Variants in AK5 observed in about 807,000 individuals in gnomAD.
The protein encoded by AK5 is adenylate kinase isoenzyme 5.
AK5 carries 27 observed loss-of-function variants against 69.5 expected under a neutral mutation model. That is an observed-to-expected ratio of 0.39 (90% CI 0.29 to 0.54). The LOEUF (loss-of-function observed/expected upper bound fraction) is 0.54, where lower values mean the gene tolerates loss of function less well. AK5 is among the 20% of genes least tolerant of loss of function. The pLI, the probability that AK5 is intolerant of heterozygous loss-of-function variation, is 0.71. For synonymous variants in AK5, 260 were observed against 244.4 expected (o/e 1.06, Z -0.60); for missense variants, 531 against 700.4 (o/e 0.76, Z 2.73).
Position 77,483,371 on chromosome 1 carries a change from T to A in AK5, c.1102+12T>A, listed in dbSNP as rs1655390868. ...GGACACTATGGGAGGTGAGTTTTCC[T>A]TACTGATCAGATCAAAGTTGTCATT... On this transcript the variant is annotated intron_variant, in intron 9 of 13. Transcript: ENST00000354567. The A allele has an allele frequency of 6.2e-7, 1 of 1,607,206 alleles. No individual in the cohort carries two copies. Among genetic ancestry groups the A allele is most frequent in the Admixed American group, 1.7e-5 (1 of 60,014 alleles).
intron 5 of AK5, among the ~76,000 whole-genome samples, chr1:77,316,272 G>A (rs1351416109): frequency 6.6e-6 from 1 of 152,120 alleles, no homozygotes; most frequent in Non-Finnish European, 1.5e-5. Context: ...TGTCATGCAT[G>A]CATTGTGGGA....
Position 77,297,851 on chromosome 1 carries a change from G to A in AK5, c.603G>A (p.Glu201=). 1.9e-6 allele frequency: 3 copies of A among 1,611,448 alleles called. No homozygotes were observed. The highest frequency in any genetic ancestry group is 1.7e-6 in the Non-Finnish European group (2 of 1,179,302). ...TATAAAAGGAAACAACAATTACAGA[G>A]ATAAAACAAAAATTGATGCAAATAC... ...ELAPQETTIT[E]IKQKLMQIPD... The change falls in exon 5 of 14, where the codon GAG becomes GAA. Residue 201 remains glutamate, a synonymous_variant. Transcript: ENST00000354567.
intron 6 of AK5, among the ~76,000 whole-genome samples, chr1:77,353,090 T>A (rs1244461418): frequency 1.3e-5 from 2 of 152,214 alleles, no homozygotes; most frequent in African/African-American, 4.8e-5. Context: ...CTAAGAGATG[T>A]GAAGAACTAA....
chr1:77,531,271 G>T (rs548497932), intron 12 of AK5, among the ~76,000 whole-genome samples: 1 of 152,188 alleles, frequency 6.6e-6, no homozygotes, highest in East Asian at 1.9e-4. Flanking sequence ...AAGATTTACC[G>T]CAAAGAGCAA....
chr1:77,494,742 A>G (rs969381518), intron 10 of AK5, among the ~76,000 whole-genome samples: 3 of 151,902 alleles, frequency 2.0e-5, no homozygotes, highest in African/African-American at 7.3e-5. Context: ...TATACTGGTG[A>G]CTTACTGTGT....
In AK5 at chr1:77,286,096, C is replaced by T. The variant is rs1387013949; in HGVS notation, c.61-845C>T. Among the ~76,000 whole-genome samples, 6 of 152,120 alleles carry T rather than the reference C, an allele frequency of 3.9e-5. 1 individual carries two copies. The highest frequency in any genetic ancestry group is 8.8e-5 in the Non-Finnish European group (6 of 68,024). The stretch of plus-strand genomic sequence containing the variant: ...GACAAACCTAGGGATTCAGAGAAGA[C>T]TTCCTGATAGTAATAATAACTAAAA... On this transcript the variant is annotated intron_variant, in intron 1 of 13. Coordinates refer to ENST00000354567, the MANE Select transcript of AK5 (RefSeq NM_174858.3).
At chr1:77,297,434 A>G (rs1659075146) in intron 3 of AK5, 125 bp from the exon 4 acceptor site, 2 of 793,378 alleles carry the variant, frequency 2.5e-6, no homozygotes. Context: ...GAATGCCACA[A>G]ATGGAACTGT....
chr1:77,412,561 C>T (rs1430435499), intron 7 of AK5, among the ~76,000 whole-genome samples: 1 of 152,198 alleles, frequency 6.6e-6, no homozygotes, highest in Non-Finnish European at 1.5e-5. Context: ...GGTGCCTCCC[C>T]TGCAGGAGGC....
At chr1:77,542,844 GC>G (rs1659348365) in intron 13 of AK5, among the ~76,000 whole-genome samples, 2 of 151,898 alleles carry the variant, frequency 1.3e-5, no homozygotes, top group South Asian at 4.2e-4. Context: ...AACACCCCAG[GC>G]CATAGATGAA....
chr1:77,373,198 T>C (rs1647153377), intron 6 of AK5, among the ~76,000 whole-genome samples: 1 of 152,168 alleles, frequency 6.6e-6, no homozygotes, highest in Non-Finnish European at 1.5e-5. Flanking sequence ...CTTGCCAGCA[T>C]GGGCACTCTC....
chr1:77,519,052 G>C (rs1488322934), intron 11 of AK5, among the ~76,000 whole-genome samples: 1 of 152,160 alleles, frequency 6.6e-6, no homozygotes, highest in Admixed American at 6.5e-5. Context: ...TGGTGCAGCA[G>C]AGCCTAGAAT....
intron 5 of AK5, among the ~76,000 whole-genome samples, chr1:77,299,954 A>C (rs988495349): frequency 2.0e-5 from 3 of 152,182 alleles, no homozygotes; most frequent in Non-Finnish European, 4.4e-5. Flanking sequence ...ACATTAACAA[A>C]ATATCTCATT....
At chr1:77,380,410 G>A (rs1221280164) in intron 6 of AK5, among the ~76,000 whole-genome samples, 1 of 152,098 alleles carries the variant, frequency 6.6e-6, no homozygotes, top group Non-Finnish European at 1.5e-5. Flanking sequence ...ATAGAGCCAG[G>A]ACTCTAGAGC....
intron 8 of AK5, among the ~76,000 whole-genome samples, chr1:77,424,738 T>G (rs1196903212): frequency 1.3e-5 from 2 of 151,832 alleles, no homozygotes; most frequent in African/African-American, 4.8e-5. Context: ...AGGGAAAGGC[T>G]GAAAAAACAG....
chr1:77,497,151 C>A (rs1010375694), intron 10 of AK5, among the ~76,000 whole-genome samples: 17 of 152,234 alleles, frequency 1.1e-4, no homozygotes, highest in African/African-American at 4.1e-4. Context: ...GCAGCAAGAC[C>A]ACGAACCCAC....
At position 77,363,322 on chromosome 1, in the gene AK5, C is replaced by T. The variant is rs183250826; in HGVS notation, c.891+22754C>T. ...GAACATATCCAGAATTCCACTGCTT[C>T]CCACAGCCTCTACCACTACCACTCT... On this transcript the variant is annotated intron_variant, in intron 6 of 13. Coordinates refer to ENST00000354567, the MANE Select transcript of AK5 (RefSeq NM_174858.3). Among the ~76,000 whole-genome samples, 268 of 152,334 alleles carry T rather than the reference C, an allele frequency of 1.8e-3. 1 individual carries two copies. Among genetic ancestry groups the T allele is most frequent in the African/African-American group, 6.1e-3 (252 of 41,576 alleles).
chr1:77,345,198 A>G (rs1661853154), intron 6 of AK5, among the ~76,000 whole-genome samples: 1 of 152,186 alleles, frequency 6.6e-6, no homozygotes. Flanking sequence ...CTGTGAAGTA[A>G]ACAAATAGTC....
intron 8 of AK5, among the ~76,000 whole-genome samples, chr1:77,423,320 C>T (rs1182378614): frequency 6.6e-6 from 1 of 151,816 alleles, no homozygotes; most frequent in African/African-American, 2.4e-5. Context: ...GAGTTCCCTA[C>T]CTTCCCTCTT....
intron 5 of AK5, among the ~76,000 whole-genome samples, chr1:77,306,910 A>T (rs1278457011): frequency 6.6e-6 from 1 of 151,974 alleles, no homozygotes; most frequent in Non-Finnish European, 1.5e-5. Flanking sequence ...ATGATCCTTG[A>T]ATTTCTACAG....
Sources: allele counts gnomAD v4.1 joint callset (sites outside exome capture counted in the v4.1 genomes callset), GRCh38; gene constraint gnomAD v4.1.1; transcripts MANE v1.5; gene names NCBI Gene and HGNC (gene_info 2026-07-23, HGNC 2026-07-21).